The following SLC51A variants were observed in gnomAD, a reference collection of about 807,000 sequenced individuals.
SLC51A encodes organic solute transporter subunit alpha.
SLC51A carries 22 observed loss-of-function variants against 34.8 expected under a neutral mutation model. The ratio of observed to expected loss-of-function variants is 0.63; its 90% confidence interval spans 0.45 to 0.90. The LOEUF is 0.90. SLC51A is among the 40% of genes least tolerant of loss of function. The pLI is 0.00. For missense variants in SLC51A, 371 were observed against 414.8 expected (o/e 0.89, Z 0.92); for synonymous variants, 181 against 176.3 (o/e 1.03, Z -0.21).
chr3:196,226,594 G>A (rs1407382621), intron 2 of SLC51A: 4 of 156,154 alleles, frequency 2.6e-5, no homozygotes, highest in African/African-American at 9.7e-5. Flanking sequence ...GGCCAACATG[G>A]AGAAAACTAT....
intron 4 of SLC51A, 138 bp downstream of exon 4, chr3:196,227,875 G>C (rs1723936227): frequency 1.0e-6 from 1 of 958,830 alleles, no homozygotes; most frequent in South Asian, 1.6e-5. Flanking sequence ...TTGCGCTCCT[G>C]GCTCTGCTCA....
intron 2 of SLC51A, among the ~76,000 whole-genome samples, chr3:196,223,717 A>T (rs1723823044): frequency 7.1e-6 from 1 of 140,976 alleles, no homozygotes; most frequent in South Asian, 2.3e-4. Flanking sequence ...TTTCTATTAT[A>T]AAAATCATTC....
At chr3:196,230,132 C>G in intron 7 of SLC51A, 71 bp downstream of exon 7, 1 of 1,387,974 alleles carries the variant, frequency 7.2e-7, no homozygotes, top group South Asian at 1.6e-5. Context: ...GTAAGTGAGG[C>G]CAATAAAGGC....
chr3:196,228,196 G>C lies in SLC51A; in HGVS notation c.444G>C (p.Leu148=). The C allele has an allele frequency of 6.2e-7, 1 of 1,614,098 alleles. No homozygotes were observed. Among genetic ancestry groups the C allele is most frequent in the South Asian group, 1.1e-5 (1 of 91,090 alleles). ...FGGKEAVLRT[L]RDTPMMVHTG... ...GGAAGGAGGCAGTGCTGAGGACGCTGAGGGACACCCCGATGATGGTCCACA... is the reference window on the plus strand; with the variant it reads ...GGAAGGAGGCAGTGCTGAGGACGCTCAGGGACACCCCGATGATGGTCCACA... The change falls in exon 5 of 9, where the codon CTG becomes CTC. Residue 148 remains leucine (L), a synonymous_variant. Coordinates refer to ENST00000296327, the MANE Select transcript of SLC51A (RefSeq NM_152672.6). This position sits in a 1 kb window ranked among gnomAD's most constrained non-coding sequence, Gnocchi z 4.9.
At chr3:196,226,722 C>T (rs543230014) in intron 2 of SLC51A, among the ~76,000 whole-genome samples, 159 of 144,156 alleles carry the variant, frequency 1.1e-3, no homozygotes, top group African/African-American at 4.0e-3. Context: ...TGCAGTGACC[C>T]AAGTTCACAC....
chr3:196,230,542 G>C (rs1207322338), intron 7 of SLC51A, among the ~76,000 whole-genome samples: 3 of 148,862 alleles, frequency 2.0e-5, no homozygotes, highest in Non-Finnish European at 4.4e-5. Context: ...CAGAGTCTTG[G>C]TCTGTTGCCC....
intron 3 of SLC51A, chr3:196,227,386 G>T (rs1723924383): frequency 1.7e-6 from 1 of 590,034 alleles, no homozygotes; most frequent in Non-Finnish European, 3.0e-6. Flanking sequence ...CTACAGTGTT[G>T]CCACTTGAAG....
rs779143599 is a variant in SLC51A at position 196,216,712 on chromosome 3, G to A, written c.-1G>A. The A allele has an allele frequency of 2.5e-4, 392 of 1,571,220 alleles. No individual in the cohort carries two copies. Among genetic ancestry groups the A allele is most frequent in the Non-Finnish European group, 3.3e-4 (383 of 1,158,188 alleles). ...GCGGGATTGCTGGAGAGAACGCGGC[G>A]ATGGAGCCGGGCAGGACCCAGATAA... On this transcript the variant is annotated 5_prime_UTR_variant, in exon 1 of 9. Coordinates refer to ENST00000296327, the MANE Select transcript of SLC51A (RefSeq NM_152672.6). The surrounding 1 kb of genome is among the most constrained non-coding windows in gnomAD (Gnocchi z 4.5).
intron 6 of SLC51A, among the ~76,000 whole-genome samples, 197 bp downstream of exon 6, chr3:196,229,117 G>T (rs542290066): frequency 6.6e-6 from 1 of 152,312 alleles, no homozygotes; most frequent in East Asian, 1.9e-4. Context: ...CGTTCCTGCC[G>T]TGGGAGAGGA....
At chr3:196,229,110 T>C (rs1174270498) in intron 6 of SLC51A, among the ~76,000 whole-genome samples, 190 bp downstream of exon 6, 1 of 152,126 alleles carries the variant, frequency 6.6e-6, no homozygotes, top group Non-Finnish European at 1.5e-5. Flanking sequence ...TCATTACCGT[T>C]CCTGCCGTGG....
intron 2 of SLC51A, among the ~76,000 whole-genome samples, chr3:196,219,759 C>T (rs1723696394): frequency 1.3e-5 from 2 of 152,216 alleles, no homozygotes; most frequent in South Asian, 2.1e-4. Context: ...ACTGGCATCT[C>T]GTGGTCAGAG....
At chr3:196,229,513 G>C (rs188089747) in intron 6 of SLC51A, among the ~76,000 whole-genome samples, 23 of 151,672 alleles carry the variant, frequency 1.5e-4, no homozygotes, top group African/African-American at 5.3e-4. Context: ...GAGTAGCTGG[G>C]ATTACAGGCA....
chr3:196,222,401 G>T (rs1262596586), intron 2 of SLC51A, among the ~76,000 whole-genome samples: 1 of 151,382 alleles, frequency 6.6e-6, no homozygotes, highest in Non-Finnish European at 1.5e-5. Flanking sequence ...TTGGGAGGCC[G>T]AGGCGGGTGG....
Position 196,233,340 on chromosome 3 carries a change from G to T in SLC51A, c.*141G>T. 1 of 949,762 alleles carries T rather than the reference G, an allele frequency of 1.1e-6. No homozygotes were observed. The highest frequency in any genetic ancestry group is 1.6e-6 in the Non-Finnish European group (1 of 636,974). The allele number at this position is 949,762 out of a possible 1,614,324, so 58.8% of individuals were successfully genotyped here. A position where few individuals can be genotyped will look rare whatever the true frequency, so the allele number is the denominator to read the frequency against. Reference sequence around the variant, plus strand: ...GATACATTTGACTCTACAGATGAAGGTGAACAATGTTAGAATAAAATTGCT... The same window carrying T: ...GATACATTTGACTCTACAGATGAAGTTGAACAATGTTAGAATAAAATTGCT... On this transcript the variant is annotated 3_prime_UTR_variant, in exon 9 of 9. Coordinates refer to ENST00000296327, the MANE Select transcript of SLC51A (RefSeq NM_152672.6).
chr3:196,227,479 T>C, intron 3 of SLC51A, 185 bp from the exon 4 acceptor site: 1 of 621,104 alleles, frequency 1.6e-6, no homozygotes, highest in African/African-American at 1.8e-5. Context: ...ACGCTGAGGC[T>C]TTTGAAACAC....
chr3:196,223,300 C>T (rs1271518285), intron 2 of SLC51A, among the ~76,000 whole-genome samples: 1 of 151,922 alleles, frequency 6.6e-6, no homozygotes, highest in Non-Finnish European at 1.5e-5. Context: ...AGCCGTTACT[C>T]CTCCGGGCGT....
intron 2 of SLC51A, among the ~76,000 whole-genome samples, chr3:196,226,236 G>T (rs1723889703): frequency 6.6e-6 from 1 of 151,936 alleles, no homozygotes; most frequent in African/African-American, 2.4e-5. Flanking sequence ...GTTGGAGGAT[G>T]GTTTGAACCC....
chr3:196,218,395 G>A (rs536585680), intron 2 of SLC51A, among the ~76,000 whole-genome samples: 13 of 152,342 alleles, frequency 8.5e-5, no homozygotes, highest in South Asian at 4.1e-4. Context: ...TTTGTTTTAC[G>A]ATCCAGCCTT....
intron 6 of SLC51A, among the ~76,000 whole-genome samples, chr3:196,229,280 C>CA (rs1723972391): frequency 6.6e-6 from 1 of 151,848 alleles, no homozygotes; most frequent in South Asian, 2.1e-4. Flanking sequence ...CATGGTGGCT[C>CA]ACACCTGTAA....
Sources: gnomAD v4.1 joint callset for allele counts (sites outside exome capture counted in the v4.1 genomes callset) on GRCh38, gnomAD v4.1.1 for gene constraint, Gnocchi (gnomAD v3.1) non-coding constraint, MANE v1.5 for transcripts, NCBI Gene and HGNC (gene_info 2026-07-23, HGNC 2026-07-21) for gene names.